The following PRKCB variants were observed in gnomAD, a reference collection of about 807,000 sequenced individuals.
The protein encoded by PRKCB is protein kinase C beta type.
PRKCB carries 13 observed loss-of-function variants against 81.5 expected under a neutral mutation model. The observed-to-expected ratio is 0.16, with a 90% CI of 0.10 to 0.25. The LOEUF (loss-of-function observed/expected upper bound fraction) is 0.25. Ranked by LOEUF, PRKCB falls within the 10% of genes least tolerant of loss-of-function variation. PRKCB has a pLI of 1.00. For missense variants in PRKCB, 509 were observed against 875.7 expected, an observed-to-expected ratio of 0.58 and a Z score of 5.29; for synonymous variants, 335 against 321.4, an observed-to-expected ratio of 1.04 and a Z score of -0.45.
chr16:23,952,542 C>T (rs1964297582), intron 2 of PRKCB, among the ~76,000 whole-genome samples: 2 of 151,944 alleles, frequency 1.3e-5, no homozygotes, highest in African/African-American at 4.8e-5. Flanking sequence ...GGTGGGGCGA[C>T]TGGAGGGGGT....
At chr16:24,088,398 A>G (rs556206076) in intron 5 of PRKCB, among the ~76,000 whole-genome samples, 1 of 152,246 alleles carries the variant, frequency 6.6e-6, no homozygotes, top group African/African-American at 2.4e-5. Context: ...CTCAGTGAGT[A>G]ATGTTTGGCT....
chr16:23,965,161 G>T (rs540330179), intron 2 of PRKCB, among the ~76,000 whole-genome samples: 25 of 152,294 alleles, frequency 1.6e-4, no homozygotes, highest in Non-Finnish European at 2.4e-4. Context: ...CCACCCTCAA[G>T]GAGGTCTCAG....
At chr16:24,108,505 C>A (rs545358891) in intron 7 of PRKCB, among the ~76,000 whole-genome samples, 1 of 144,736 alleles carries the variant, frequency 6.9e-6, no homozygotes, top group Non-Finnish European at 1.5e-5. Flanking sequence ...TGCGGCCTTC[C>A]GCAGTGTTTG....
intron 15 of PRKCB, among the ~76,000 whole-genome samples, chr16:24,187,848 T>C (rs1013350169): frequency 1.3e-5 from 2 of 152,174 alleles, no homozygotes; most frequent in Admixed American, 1.3e-4. Flanking sequence ...CCAGCCTAGG[T>C]GCAAGATCTT....
chr16:23,988,619 C>T (rs770974182), intron 3 of PRKCB, 29 bp downstream of exon 3: 2 of 1,587,860 alleles, frequency 1.3e-6, no homozygotes, highest in Admixed American at 3.3e-5. Flanking sequence ...TTGCTTTTCT[C>T]TGTCCACAGT....
intron 7 of PRKCB, among the ~76,000 whole-genome samples, chr16:24,101,656 C>T (rs764277730): frequency 6.6e-6 from 1 of 152,240 alleles, no homozygotes; most frequent in Admixed American, 6.5e-5. Flanking sequence ...AGATTAGAAG[C>T]AGATGGAGTT....
chr16:24,027,943 T>C (rs1054475462), intron 3 of PRKCB, among the ~76,000 whole-genome samples: 4 of 151,988 alleles, frequency 2.6e-5, no homozygotes, highest in Admixed American at 6.6e-5. Flanking sequence ...CTTTAATACA[T>C]ATATATAGTA....
At chr16:23,924,892 A>G (rs1231061450) in intron 2 of PRKCB, among the ~76,000 whole-genome samples, 1 of 152,118 alleles carries the variant, frequency 6.6e-6, no homozygotes, top group Non-Finnish European at 1.5e-5. Context: ...CAAAACTGCA[A>G]AGTCTCCTTA....
intron 2 of PRKCB, among the ~76,000 whole-genome samples, chr16:23,883,602 T>C (rs948283898): frequency 6.6e-6 from 1 of 152,010 alleles, no homozygotes; most frequent in Non-Finnish European, 1.5e-5. Context: ...GGAGGATGAG[T>C]CAGGAGTCAA....
At chr16:24,143,688 T>A (rs1966941857) in intron 9 of PRKCB, among the ~76,000 whole-genome samples, 1 of 152,224 alleles carries the variant, frequency 6.6e-6, no homozygotes, top group African/African-American at 2.4e-5. Flanking sequence ...TGTTGAGGTA[T>A]AATTTACAGA....
intron 10 of PRKCB, among the ~76,000 whole-genome samples, chr16:24,157,849 A>C (rs1169231496): frequency 6.6e-6 from 1 of 151,452 alleles, no homozygotes; most frequent in African/African-American, 2.4e-5. Context: ...AAGTTTCCTG[A>C]GGCCTCTCTA....
chr16:24,141,336 A>T (rs1031058427), intron 9 of PRKCB, among the ~76,000 whole-genome samples: 1 of 152,144 alleles, frequency 6.6e-6, no homozygotes, highest in Non-Finnish European at 1.5e-5. Flanking sequence ...CTGGGATTGC[A>T]AGCATGCACC....
chr16:23,943,046 A>G lies in PRKCB; in HGVS notation c.206-45462A>G, dbSNP rs376881199. On this transcript the variant is annotated intron_variant, in intron 2 of 16. Coordinates refer to ENST00000643927, the MANE Select transcript of PRKCB (RefSeq NM_002738.7). Reference sequence around the variant, plus strand: ...AGTGTAGAAATAAAACCCAGGAAAGAGGGACTTTAGAAACAAGAGGCAATG... The same window carrying G: ...AGTGTAGAAATAAAACCCAGGAAAGGGGGACTTTAGAAACAAGAGGCAATG... Among the ~76,000 whole-genome samples the G allele has an allele frequency of 2.0e-5, 3 of 152,340 alleles. No individual in the cohort carries two copies. The East Asian group carries it at 5.8e-4, about 29-fold the overall frequency.
chr16:24,216,467 C>A lies in PRKCB; in HGVS notation c.*1651C>A, dbSNP rs901523023. 1.6e-5 allele frequency: 16 copies of A among 985,330 alleles called. No homozygotes were observed. The highest frequency in any genetic ancestry group is 1.9e-5 in the Non-Finnish European group (16 of 829,942). The allele number at this position is 985,330 out of a possible 1,614,324, so 61.0% of individuals were successfully genotyped here. On this transcript the variant is annotated 3_prime_UTR_variant, in exon 17 of 17. Coordinates refer to ENST00000643927, the MANE Select transcript of PRKCB (RefSeq NM_002738.7). Reference sequence around the variant, plus strand: ...CCTGCCGTGTCCTGCTATTCTCAGGCAGCTCTAAGGAGAATTCTTATCACA... The same window carrying A: ...CCTGCCGTGTCCTGCTATTCTCAGGAAGCTCTAAGGAGAATTCTTATCACA...
intron 2 of PRKCB, among the ~76,000 whole-genome samples, chr16:23,861,998 A>G (rs540958444): frequency 3.4e-4 from 52 of 152,220 alleles, no homozygotes; most frequent in African/African-American, 1.1e-3. Flanking sequence ...TATTGCCTCA[A>G]CCTACTCTGA....
intron 2 of PRKCB, among the ~76,000 whole-genome samples, chr16:23,915,552 T>C (rs1318317050): frequency 6.6e-6 from 1 of 151,642 alleles, no homozygotes; most frequent in Non-Finnish European, 1.5e-5. Flanking sequence ...AATACAAAAA[T>C]TGATGACCTG....
At chr16:23,909,416 T>C (rs1215710656) in intron 2 of PRKCB, among the ~76,000 whole-genome samples, 1 of 152,194 alleles carries the variant, frequency 6.6e-6, no homozygotes, top group Admixed American at 6.5e-5. Flanking sequence ...CTCTTTCTCC[T>C]TGTATTCTCA....
intron 3 of PRKCB, among the ~76,000 whole-genome samples, chr16:24,030,567 A>G (rs1348935871): frequency 2.0e-5 from 3 of 152,116 alleles, no homozygotes; most frequent in Non-Finnish European, 4.4e-5. Flanking sequence ...TTTTACAGAT[A>G]GGGAAACTGA....
chr16:24,031,066 A>G (rs1395911223), intron 3 of PRKCB, among the ~76,000 whole-genome samples: 2 of 152,128 alleles, frequency 1.3e-5, no homozygotes, highest in African/African-American at 2.4e-5. Context: ...CATGTCTCTT[A>G]AAAAACAAAA....
Sources: gnomAD v4.1 joint callset for allele counts (sites outside exome capture counted in the v4.1 genomes callset) on GRCh38, gnomAD v4.1.1 for gene constraint, MANE v1.5 for transcripts, NCBI Gene and HGNC (gene_info 2026-07-23, HGNC 2026-07-21) for gene names.